Variants in SAMD5 observed in about 807,000 individuals in gnomAD.
SAMD5 encodes sterile alpha motif domain-containing protein 5.
SAMD5 carries 13 observed loss-of-function variants against 11.3 expected under a neutral mutation model. The ratio of observed to expected loss-of-function variants is 1.15; its 90% confidence interval spans 0.75 to 1.83. SAMD5 has a LOEUF of 1.83. SAMD5 is among the 40% of genes most tolerant of loss of function. The pLI, the probability that SAMD5 is intolerant of heterozygous loss-of-function variation, is 0.00. For synonymous variants in SAMD5, 129 were observed against 111.3 expected (o/e 1.16, Z -1.00); for missense variants, 255 against 239.1 (o/e 1.07, Z -0.44).
chr6:147,617,306 T>A (rs1167738785), intron 1 of SAMD5, among the ~76,000 whole-genome samples: 1 of 152,130 alleles, frequency 6.6e-6, no homozygotes, highest in Non-Finnish European at 1.5e-5. Context: ...TTCAAGAAAA[T>A]AAGGACCTCT....
At chr6:147,854,700 A>G in the SAMD5 span, among the ~76,000 whole-genome samples, 8,742 of 151,706 alleles carry the variant, frequency 0.058, 841 homozygotes, top group African/African-American at 0.2. Context: ...CAACCTAATA[A>G]TATTCTTGAT....
chr6:147,713,290 C>T (rs1215849450), intron 1 of SAMD5, among the ~76,000 whole-genome samples: 4 of 152,208 alleles, frequency 2.6e-5, no homozygotes, highest in East Asian at 3.8e-4. Context: ...CATGAGTTCA[C>T]TGAGACAACA....
intron 1 of SAMD5, among the ~76,000 whole-genome samples, chr6:147,730,750 G>T (rs1791701692): frequency 6.6e-6 from 1 of 152,196 alleles, no homozygotes; most frequent in Non-Finnish European, 1.5e-5. Context: ...AGAGGGGACA[G>T]AGAAAGGAGA....
the SAMD5 span, among the ~76,000 whole-genome samples, chr6:147,887,642 G>T: frequency 1.3e-5 from 2 of 152,172 alleles, no homozygotes; most frequent in Non-Finnish European, 2.9e-5. Context: ...GAACATTCAT[G>T]TGCAAGTCTT....
downstream of SAMD5, among the ~76,000 whole-genome samples, chr6:147,740,938 C>T (rs890881504): frequency 2.0e-5 from 3 of 152,144 alleles, no homozygotes; most frequent in Non-Finnish European, 4.4e-5. Context: ...CTAGGAGAAA[C>T]CTGACATGAC....
At chr6:147,730,085 AAAAAAAAGAAAAG>A (rs768499781) in intron 1 of SAMD5, 219 of 438,802 alleles carry the variant, frequency 5.0e-4, no homozygotes, top group African/African-American at 4.4e-3. Context: ...AAAAAAAAAA[AAAAAAAAGAAAAG>A]AAAAAAAGAA....
intron 1 of SAMD5, among the ~76,000 whole-genome samples, chr6:147,684,011 AC>A (rs1444727077): frequency 6.6e-6 from 1 of 152,214 alleles, no homozygotes; most frequent in African/African-American, 2.4e-5. Context: ...TCATGAACAT[AC>A]ATCTTGATCA....
chr6:147,792,716 A>G, the SAMD5 span, among the ~76,000 whole-genome samples: 6 of 152,200 alleles, frequency 3.9e-5, no homozygotes, highest in Non-Finnish European at 7.3e-5. Context: ...AGCATTTTGT[A>G]GGACTAGAAA....
At chr6:147,604,719 G>A (rs1246324543) in intron 1 of SAMD5, among the ~76,000 whole-genome samples, 1 of 152,174 alleles carries the variant, frequency 6.6e-6, no homozygotes, top group South Asian at 2.1e-4. Context: ...GTGAACCAAA[G>A]CTGGCAAATT....
intron 1 of SAMD5, among the ~76,000 whole-genome samples, chr6:147,648,786 A>G (rs1790440955): frequency 6.6e-6 from 1 of 152,264 alleles, no homozygotes; most frequent in Admixed American, 6.5e-5. Flanking sequence ...TTTATTTGGA[A>G]TTGTAGTTCA....
At chr6:147,671,217 G>T (rs985122118) in intron 1 of SAMD5, among the ~76,000 whole-genome samples, 10 of 152,084 alleles carry the variant, frequency 6.6e-5, no homozygotes, top group African/African-American at 2.4e-4. Flanking sequence ...AACTACAGGG[G>T]TAACATCAAA....
the SAMD5 span, among the ~76,000 whole-genome samples, chr6:147,802,165 G>T: frequency 3.3e-5 from 5 of 152,116 alleles, no homozygotes; most frequent in Non-Finnish European, 7.4e-5. Flanking sequence ...TTTTTCAAGG[G>T]ACGTGTATCT....
the SAMD5 span, among the ~76,000 whole-genome samples, chr6:147,770,904 A>G: frequency 7.2e-5 from 11 of 152,334 alleles, no homozygotes; most frequent in African/African-American, 2.2e-4. Flanking sequence ...AGTGATTGCT[A>G]GTGAAACTAA....
At chr6:147,606,607 G>A (rs1462336741) in intron 1 of SAMD5, among the ~76,000 whole-genome samples, 1 of 151,728 alleles carries the variant, frequency 6.6e-6, no homozygotes, top group African/African-American at 2.4e-5. Context: ...AGTCTAGATA[G>A]TGGGTAACAG....
chr6:147,868,886 A>C, the SAMD5 span, among the ~76,000 whole-genome samples: 2 of 152,210 alleles, frequency 1.3e-5, no homozygotes, highest in Non-Finnish European at 2.9e-5. Context: ...CTTTGCCCCT[A>C]TAAGTTGTAC....
At chr6:147,769,525 G>A in the SAMD5 span, among the ~76,000 whole-genome samples, 5 of 152,128 alleles carry the variant, frequency 3.3e-5, no homozygotes, top group South Asian at 1.0e-3. Flanking sequence ...TTCCTCTGCT[G>A]CCTTACTTTT....
chr6:147,676,198 C>T (rs1331434244), intron 1 of SAMD5: 3 of 152,184 alleles, frequency 2.0e-5, no homozygotes, highest in Non-Finnish European at 2.9e-5. Context: ...TATTCAACCC[C>T]GGCAAGATGC....
chr6:147,903,637 C>T, the SAMD5 span, among the ~76,000 whole-genome samples: 2 of 152,116 alleles, frequency 1.3e-5, no homozygotes, highest in East Asian at 1.9e-4. Flanking sequence ...CAGCCGGGTG[C>T]GGTGGCTCAC....
At chr6:147,788,900 G>T in the SAMD5 span, among the ~76,000 whole-genome samples, 1 of 151,836 alleles carries the variant, frequency 6.6e-6, no homozygotes, top group Non-Finnish European at 1.5e-5. Context: ...TGGCTAACAC[G>T]GTGAAACCCC....
Sources: allele counts gnomAD v4.1 joint callset (sites outside exome capture counted in the v4.1 genomes callset), GRCh38; gene constraint gnomAD v4.1.1; transcripts MANE v1.5; gene names NCBI Gene and HGNC (gene_info 2026-07-23, HGNC 2026-07-21).